Variants in AHCYL2 observed in about 807,000 individuals in gnomAD.
The protein encoded by AHCYL2 is adenosylhomocysteinase like 2.
Under a neutral mutation model 81.4 loss-of-function variants are expected in AHCYL2, and 28 were observed. That is an observed-to-expected ratio of 0.34 (90% CI 0.25 to 0.47). The LOEUF is 0.47. Among genes scored for constraint, AHCYL2 ranks in the 20% least tolerant of loss-of-function variants. The pLI is 1.00. For missense variants in AHCYL2, 551 were observed against 785.1 expected, an observed-to-expected ratio of 0.70 and a Z score of 3.56; for synonymous variants, 272 against 290.2, an observed-to-expected ratio of 0.94 and a Z score of 0.64.
chr7:129,376,426 A>G (rs576476853), intron 1 of AHCYL2, among the ~76,000 whole-genome samples: 2 of 152,368 alleles, frequency 1.3e-5, no homozygotes, highest in African/African-American at 4.8e-5. Context: ...GTGTCTAACC[A>G]GTAAGCAAGG....
At chr7:129,289,788 TC>T (rs1395996822) in intron 1 of AHCYL2, among the ~76,000 whole-genome samples, 1 of 147,694 alleles carries the variant, frequency 6.8e-6, no homozygotes, top group Non-Finnish European at 1.5e-5. Context: ...CTTCTTTCTT[TC>T]TTTTTTTTTT....
At chr7:129,404,941 ATTCT>A (rs1796230288) in intron 7 of AHCYL2, among the ~76,000 whole-genome samples, 152 bp from the exon 8 acceptor site, 1 of 152,196 alleles carries the variant, frequency 6.6e-6, no homozygotes, top group African/African-American at 2.4e-5. Flanking sequence ...CTAGAAAGAT[ATTCT>A]TTATTTCTCA....
At chr7:129,425,956 A>T (rs945953962) in intron 15 of AHCYL2, among the ~76,000 whole-genome samples, 4 of 152,252 alleles carry the variant, frequency 2.6e-5, no homozygotes, top group African/African-American at 9.6e-5. Flanking sequence ...ATAGAATGTG[A>T]ACAGAAACCC....
intron 1 of AHCYL2, among the ~76,000 whole-genome samples, chr7:129,359,695 G>T (rs1348210163): frequency 2.0e-5 from 3 of 152,138 alleles, no homozygotes; most frequent in Non-Finnish European, 4.4e-5. Flanking sequence ...GTTTAAGCTT[G>T]ACTTTTCTTT....
intron 1 of AHCYL2, among the ~76,000 whole-genome samples, chr7:129,240,303 C>G (rs1156475848): frequency 1.3e-5 from 2 of 151,968 alleles, no homozygotes; most frequent in East Asian, 3.9e-4. Flanking sequence ...CACACACACC[C>G]TGAGACCCAC....
At chr7:129,363,809 A>C (rs1794013868) in intron 1 of AHCYL2, among the ~76,000 whole-genome samples, 1 of 151,094 alleles carries the variant, frequency 6.6e-6, no homozygotes, top group Non-Finnish European at 1.5e-5. Flanking sequence ...AAGTGCTGGG[A>C]TTACAGGCAT....
intron 1 of AHCYL2, among the ~76,000 whole-genome samples, chr7:129,290,937 AAAAAC>A (rs1796828712): frequency 6.6e-6 from 1 of 151,950 alleles, no homozygotes; most frequent in Non-Finnish European, 1.5e-5. Context: ...CTCAAAAAAA[AAAAAC>A]AAAACAAAAC....
At position 129,369,727 on chromosome 7, in the gene AHCYL2, T is replaced by G. The variant is rs543436663; in HGVS notation, c.364-9911T>G. Among the ~76,000 whole-genome samples, 12 of 152,132 alleles carry G rather than the reference T, an allele frequency of 7.9e-5. 1 individual carries two copies. Among genetic ancestry groups the G allele is most frequent in the African/African-American group, 2.9e-4 (12 of 41,524 alleles). ...ACCACCATACCGGGTAATTTTTGTA[T>G]TTTTGGTGGAGATGGGGTTTCACCA... On this transcript the variant is annotated intron_variant, in intron 1 of 16. Transcript: ENST00000325006.
chr7:129,405,384 T>C (rs963992067), intron 8 of AHCYL2, 171 bp downstream of exon 8: 1 of 434,404 alleles, frequency 2.3e-6, no homozygotes, highest in Non-Finnish European at 4.0e-6. Flanking sequence ...ATTTTCTCCT[T>C]TGTATCTTTT....
Position 129,225,055 on chromosome 7 carries a change from G to T in AHCYL2, c.-22G>T. 6.3e-7 allele frequency: 1 copy of T among 1,574,984 alleles called. No individual in the cohort carries two copies. The highest frequency in any genetic ancestry group is 1.2e-5 in the South Asian group (1 of 86,024). On this transcript the variant is annotated 5_prime_UTR_variant, in exon 1 of 17. Transcript: ENST00000325006. Reference sequence around the variant, plus strand: ...AAGAGCAGGAGCTGGAGTCTGAGCCGGTGGTTGCAGCGGAGGCGGTGATGT... The same window carrying T: ...AAGAGCAGGAGCTGGAGTCTGAGCCTGTGGTTGCAGCGGAGGCGGTGATGT...
At chr7:129,324,524 T>G (rs1191112990) in intron 1 of AHCYL2, among the ~76,000 whole-genome samples, 1 of 152,192 alleles carries the variant, frequency 6.6e-6, no homozygotes, top group Non-Finnish European at 1.5e-5. Flanking sequence ...TTACTTTTTA[T>G]TTTTGTTTTG....
chr7:129,418,378 C>T (rs1796957402), intron 12 of AHCYL2, among the ~76,000 whole-genome samples: 1 of 152,106 alleles, frequency 6.6e-6, no homozygotes, highest in Non-Finnish European at 1.5e-5. Context: ...CGGCTCACTG[C>T]AACCTCCGCC....
At chr7:129,251,316 GATTTT>G (rs1042616576) in intron 1 of AHCYL2, among the ~76,000 whole-genome samples, 6 of 85,486 alleles carry the variant, frequency 7.0e-5, no homozygotes, top group African/African-American at 2.0e-4. Flanking sequence ...AGATAGTAAA[GATTTT>G]TTTTTTTTTT....
chr7:129,259,259 G>A (rs1394054555), intron 1 of AHCYL2, among the ~76,000 whole-genome samples: 15 of 152,186 alleles, frequency 9.9e-5, no homozygotes, highest in Non-Finnish European at 2.1e-4. Context: ...GCTTATGGTG[G>A]AACAAGTGGT....
At chr7:129,398,975 T>G (rs1212110475) in intron 5 of AHCYL2, among the ~76,000 whole-genome samples, 1 of 151,478 alleles carries the variant, frequency 6.6e-6, no homozygotes, top group Non-Finnish European at 1.5e-5. Context: ...AACCCTGTCT[T>G]TACTAAGAGT....
intron 2 of AHCYL2, among the ~76,000 whole-genome samples, chr7:129,381,937 C>T (rs1208331163): frequency 1.3e-5 from 2 of 152,150 alleles, no homozygotes; most frequent in Non-Finnish European, 2.9e-5. Context: ...TGCACTGTTA[C>T]CTTGTTTTGT....
At chr7:129,249,526 C>T (rs905707172) in intron 1 of AHCYL2, among the ~76,000 whole-genome samples, 14 of 152,090 alleles carry the variant, frequency 9.2e-5, no homozygotes, top group African/African-American at 1.9e-4. Context: ...CCCGGGTTCA[C>T]GCCATTCTCC....
intron 1 of AHCYL2, among the ~76,000 whole-genome samples, chr7:129,370,582 C>G (rs1293118292): frequency 6.6e-6 from 1 of 152,152 alleles, no homozygotes; most frequent in Non-Finnish European, 1.5e-5. Context: ...CCTATAGTCC[C>G]AGCTACTCTG....
At chr7:129,405,644 A>G in intron 8 of AHCYL2, 192 bp from the exon 9 acceptor site, 2 of 505,798 alleles carry the variant, frequency 4.0e-6, no homozygotes, top group Non-Finnish European at 6.9e-6. Flanking sequence ...TCAGTGTTAC[A>G]GGTCTTTTAG....
Sources: gnomAD v4.1 joint callset for allele counts (sites outside exome capture counted in the v4.1 genomes callset) on GRCh38, gnomAD v4.1.1 for gene constraint, MANE v1.5 for transcripts, NCBI Gene and HGNC (gene_info 2026-07-23, HGNC 2026-07-21) for gene names.